MICAL3: variants seen among roughly 807,000 people sequenced by gnomAD.
The protein encoded by MICAL3 is [F-actin]-monooxygenase MICAL3.
MICAL3 carries 62 observed loss-of-function variants against 207.4 expected under a neutral mutation model. The observed-to-expected ratio is 0.30, with a 90% CI of 0.24 to 0.37. The LOEUF (loss-of-function observed/expected upper bound fraction) is 0.37, where lower values mean the gene tolerates loss of function less well. Ranked by LOEUF, MICAL3 falls within the 10% of genes least tolerant of loss-of-function variation. MICAL3 has a pLI of 1.00. For missense variants in MICAL3, 2,368 were observed against 2,635.6 expected (o/e 0.90, Z 2.22); for synonymous variants, 1,077 against 1,069.3 (o/e 1.01, Z -0.14).
chr22:17,904,909 G>A (rs1931607376), intron 2 of MICAL3, 70 bp from the exon 3 acceptor site: 5 of 1,162,442 alleles, frequency 4.3e-6, no homozygotes, highest in African/African-American at 1.5e-5. Context: ...TCTCATGATT[G>A]TAAGATCATC....
rs1921187186 is a variant in MICAL3 at position 17,818,035 on chromosome 22, T to C, written c.4626A>G (p.Lys1542=). ...DKTEDSSLQE[K]FFTPPSCWPR... The stretch of plus-strand genomic sequence containing the variant: ...GCCAGCAGGACGGGGGCGTGAAGAA[T>C]TTCTCCTGCAGGCTTGAGTCCTCAG... Residue 1542 remains lysine (K), a synonymous_variant, in exon 26 of 32, where the codon AAA becomes AAG. Coordinates refer to ENST00000441493, the MANE Select transcript of MICAL3 (RefSeq NM_015241.3). 4.3e-6 allele frequency: 7 copies of C among 1,612,598 alleles called. No individual in the cohort carries two copies. In the East Asian group the frequency reaches 1.3e-4, roughly 31 times the overall value.
At chr22:17,985,353 C>G (rs1042762920) in intron 1 of MICAL3, among the ~76,000 whole-genome samples, 2 of 152,130 alleles carry the variant, frequency 1.3e-5, no homozygotes, top group African/African-American at 2.4e-5. Flanking sequence ...ACCGTGAACT[C>G]TGAGAACAGA....
At chr22:17,911,642 G>A (rs1932150456) in intron 1 of MICAL3, among the ~76,000 whole-genome samples, 1 of 152,176 alleles carries the variant, frequency 6.6e-6, no homozygotes, top group South Asian at 2.1e-4. Context: ...AGACCAGCCT[G>A]GGCAAGACGG....
At chr22:17,863,420 C>A (rs749639485) in intron 19 of MICAL3, 1 of 985,350 alleles carries the variant, frequency 1.0e-6, no homozygotes, top group Non-Finnish European at 1.2e-6. Flanking sequence ...TGTCTAGACC[C>A]CTTTGGTTAT....
At chr22:17,929,568 CTTTTTT>C (rs67222681) in intron 1 of MICAL3, among the ~76,000 whole-genome samples, 15 of 108,902 alleles carry the variant, frequency 1.4e-4, no homozygotes, top group African/African-American at 3.6e-4. Flanking sequence ...CTTTTCTTTT[CTTTTTT>C]TTTTTTTTTT....
At chr22:17,825,597 G>C (rs1306921942) in intron 22 of MICAL3, among the ~76,000 whole-genome samples, 6 of 152,204 alleles carry the variant, frequency 3.9e-5, no homozygotes, top group African/African-American at 1.4e-4. Context: ...AGGACACAGG[G>C]ACAGGCTGCT....
At chr22:17,937,138 G>C (rs968153200) in intron 1 of MICAL3, among the ~76,000 whole-genome samples, 23 of 152,202 alleles carry the variant, frequency 1.5e-4, no homozygotes, top group African/African-American at 5.3e-4. Flanking sequence ...ATAACATCCT[G>C]AGTCGCACAG....
intron 27 of MICAL3, chr22:17,811,518 C>T (rs569762617): frequency 5.2e-5 from 8 of 152,412 alleles, no homozygotes; most frequent in Admixed American, 5.2e-4. Context: ...GTGGCCTGGC[C>T]AGGGCTGTTG....
chr22:17,849,048 G>C (rs1924938937), intron 19 of MICAL3, among the ~76,000 whole-genome samples: 2 of 152,250 alleles, frequency 1.3e-5, no homozygotes. Flanking sequence ...CCTACTGGCA[G>C]GGAGAGTGTG....
chr22:17,862,571 T>A, intron 19 of MICAL3: 1 of 985,382 alleles, frequency 1.0e-6, no homozygotes, highest in Non-Finnish European at 1.2e-6. Context: ...CACCTGAGCT[T>A]TTCTGAAACT....
At position 17,791,115 on chromosome 22, in the gene MICAL3, G is replaced by A. The variant is rs535538806; in HGVS notation, c.5751-44C>T. ...AGGGAGACAAGCCACAGTGACTGGG[G>A]ACCACCCCTCACCCCCAAATCTGGA... On this transcript the variant is annotated intron_variant, in intron 30 of 31. Transcript: ENST00000441493. 53 of 1,605,578 alleles carry A rather than the reference G, an allele frequency of 3.3e-5. No individual in the cohort carries two copies. In the South Asian group the frequency reaches 5.8e-4, roughly 17 times the overall value.
rs1931740500 is a variant in MICAL3 at position 17,906,614 on chromosome 22, C to T, written c.199G>A (p.Ala67Thr). Residue 67 changes from alanine to threonine, a missense_variant, in exon 2 of 32, where the codon GCA (alanine) becomes ACA (threonine). Physicochemically the swap from Ala to Thr is moderately conservative, Grantham distance 58 (BLOSUM62 0). Around this residue, in one of 4 missense-constraint regions of MICAL3, gnomAD observed 400 missense variants for 547.0 expected, o/e 0.73. Coordinates refer to ENST00000441493, the MANE Select transcript of MICAL3 (RefSeq NM_015241.3). ...LNYWKAKALWAKLDKRGSHKD... is the reference protein window; with the variant it reads ...LNYWKAKALWTKLDKRGSHKD... ...TGACTGCCCCGTTTGTCCAATTTTG[C>T]CCAGAGGGCTTTGGCTTTCCAGTAG... 1 of 1,613,870 alleles carries T rather than the reference C, an allele frequency of 6.2e-7. No individual in the cohort carries two copies. The highest frequency in any genetic ancestry group is 8.5e-7 in the Non-Finnish European group (1 of 1,179,798).
At chr22:18,018,029 C>T (rs1329348168) in intron 1 of MICAL3, among the ~76,000 whole-genome samples, 2 of 152,030 alleles carry the variant, frequency 1.3e-5, no homozygotes, top group African/African-American at 4.8e-5. Flanking sequence ...GGATTACAGG[C>T]ATGCCACCGC....
chr22:17,898,746 T>G (rs1165486240), intron 7 of MICAL3, among the ~76,000 whole-genome samples: 2 of 152,164 alleles, frequency 1.3e-5, no homozygotes, highest in African/African-American at 4.8e-5. Context: ...ATCCACGCGG[T>G]GGTCTTCTGA....
rs572457183 is a variant in MICAL3, at chr22:17,856,140, T to G, written c.2605+8759A>C. 2.6e-5 allele frequency among the ~76,000 whole-genome samples: 4 copies of G among 152,384 alleles called. No homozygotes were observed. The South Asian group carries it at 8.3e-4, about 32-fold the overall frequency. On this transcript the variant is annotated intron_variant, in intron 19 of 31. Coordinates refer to ENST00000441493, the MANE Select transcript of MICAL3 (RefSeq NM_015241.3). ...AGCGACCGCTGCTGCCGCTACTGTGTGTCTCCCAGCATCGTCTTCTGTGAG... is the reference window on the plus strand; with the variant it reads ...AGCGACCGCTGCTGCCGCTACTGTGGGTCTCCCAGCATCGTCTTCTGTGAG...
At chr22:17,959,369 C>T (rs1219154425) in intron 1 of MICAL3, among the ~76,000 whole-genome samples, 3 of 151,404 alleles carry the variant, frequency 2.0e-5, no homozygotes, top group African/African-American at 7.3e-5. Flanking sequence ...GGCTGGAGTG[C>T]AGTGGCGCAA....
chr22:17,967,458 A>G (rs433545), intron 1 of MICAL3, among the ~76,000 whole-genome samples: 91,370 of 145,058 alleles, frequency 0.63, 28,470 homozygotes, highest in African/African-American at 0.78. Flanking sequence ...GGCAGTGTAC[A>G]TGCAAACACA....
chr22:17,815,597 A>T (rs113063281), intron 27 of MICAL3: 1 of 152,416 alleles, frequency 6.6e-6, no homozygotes, highest in African/African-American at 2.4e-5. Flanking sequence ...CGCAGATCCC[A>T]ACCCTAACTC....
chr22:17,823,972 G>C (rs908754021), intron 22 of MICAL3, among the ~76,000 whole-genome samples: 1 of 152,170 alleles, frequency 6.6e-6, no homozygotes, highest in Non-Finnish European at 1.5e-5. Context: ...AGAGCATTGG[G>C]GGCTGAAGGT....
Sources: allele counts gnomAD v4.1 joint callset (sites outside exome capture counted in the v4.1 genomes callset), GRCh38; gene constraint gnomAD v4.1.1; regional missense constraint gnomAD v4.1.1; transcripts MANE v1.5; gene names NCBI Gene and HGNC (gene_info 2026-07-23, HGNC 2026-07-21).